The following NRXN3 variants were observed in gnomAD, a reference collection of about 807,000 sequenced individuals.
The protein encoded by NRXN3 is neurexin 3, also known as neurexin III.
In NRXN3, 32 loss-of-function variants were observed where a neutral mutation model predicts 137.6. The ratio of observed to expected loss-of-function variants is 0.23; its 90% CI spans 0.18 to 0.31. The LOEUF is 0.31. Among genes scored for constraint, NRXN3 ranks in the 10% least tolerant of loss-of-function variants. The pLI is 1.00. For synonymous variants in NRXN3, 798 were observed against 784.5 expected (o/e 1.02, Z -0.29); for missense variants, 1,574 against 2,062.5 (o/e 0.76, Z 4.59).
At chr14:79,530,381 T>A (rs561862470) in intron 16 of NRXN3, among the ~76,000 whole-genome samples, 1 of 152,242 alleles carries the variant, frequency 6.6e-6, no homozygotes, top group Admixed American at 6.5e-5. Context: ...ATTATACATA[T>A]GTCCTGGGGT....
intron 4 of NRXN3, among the ~76,000 whole-genome samples, chr14:78,407,349 A>G (rs571473655): frequency 1.7e-3 from 254 of 152,244 alleles, no homozygotes; most frequent in African/African-American, 5.9e-3. Context: ...AATTTCTGCT[A>G]CTAAGCCCCC....
chr14:78,763,113 A>G (rs1165123949), intron 8 of NRXN3, among the ~76,000 whole-genome samples: 1 of 152,230 alleles, frequency 6.6e-6, no homozygotes, highest in African/African-American at 2.4e-5. Flanking sequence ...TGGAAATTAA[A>G]ATATCCTGCA....
chr14:78,304,087 C>G (rs974115442), intron 4 of NRXN3, among the ~76,000 whole-genome samples: 16 of 152,294 alleles, frequency 1.1e-4, no homozygotes, highest in Admixed American at 7.2e-4. Context: ...AATCTCTCTA[C>G]TTACTAACAT....
intron 10 of NRXN3, among the ~76,000 whole-genome samples, chr14:78,872,851 G>T (rs1171488782): frequency 2.6e-5 from 4 of 151,976 alleles, no homozygotes. Context: ...TTGGTCTCAG[G>T]GGTCAGTATA....
intron 16 of NRXN3, among the ~76,000 whole-genome samples, chr14:79,654,553 A>G (rs1176900211): frequency 2.0e-5 from 3 of 152,142 alleles, no homozygotes; most frequent in African/African-American, 7.2e-5. Flanking sequence ...TTTATTTATA[A>G]AAACAGGGAA....
chr14:79,403,422 G>C (rs1008109083), intron 15 of NRXN3, among the ~76,000 whole-genome samples: 9 of 152,178 alleles, frequency 5.9e-5, no homozygotes, highest in African/African-American at 2.2e-4. Context: ...GAAAAAGGAA[G>C]AGAGAAAGAG....
At chr14:78,839,996 A>G (rs1339811461) in intron 10 of NRXN3, among the ~76,000 whole-genome samples, 4 of 152,220 alleles carry the variant, frequency 2.6e-5, no homozygotes, top group Admixed American at 6.5e-5. Context: ...GCATTAATGC[A>G]AGATCCAAGA....
At chr14:79,770,614 C>T (rs1477846494) in intron 19 of NRXN3, among the ~76,000 whole-genome samples, 3 of 150,452 alleles carry the variant, frequency 2.0e-5, no homozygotes, top group Non-Finnish European at 3.0e-5. Flanking sequence ...CTCTGGGACA[C>T]ATTCAAAGCA....
At chr14:79,292,880 TAGGGAGGTTTC>T (rs2083433624) in intron 15 of NRXN3, among the ~76,000 whole-genome samples, 1 of 152,218 alleles carries the variant, frequency 6.6e-6, no homozygotes, top group African/African-American at 2.4e-5. Flanking sequence ...ATTACAGACG[TAGGGAGGTTTC>T]AGTACCTGCT....
intron 20 of NRXN3, among the ~76,000 whole-genome samples, chr14:79,822,991 G>A (rs2099277407): frequency 6.6e-6 from 1 of 152,140 alleles, no homozygotes; most frequent in South Asian, 2.1e-4. Context: ...TTTTTTCACT[G>A]TAAGCCTTGT....
chr14:78,902,918 C>A (rs914544893), intron 10 of NRXN3, among the ~76,000 whole-genome samples: 1 of 151,618 alleles, frequency 6.6e-6, no homozygotes, highest in African/African-American at 2.4e-5. Context: ...TTCCCTCTGT[C>A]TGGAACATAT....
At chr14:78,476,115 ATACT>A (rs2095373092) in intron 4 of NRXN3, among the ~76,000 whole-genome samples, 3 of 152,226 alleles carry the variant, frequency 2.0e-5, no homozygotes, top group Admixed American at 1.3e-4. Flanking sequence ...CATTAAACTA[ATACT>A]TACTGAGTGC....
chr14:78,620,504 A>G (rs192425397), intron 4 of NRXN3, among the ~76,000 whole-genome samples: 104 of 152,308 alleles, frequency 6.8e-4, no homozygotes, highest in African/African-American at 2.5e-3. Flanking sequence ...GGCTACGACC[A>G]CATAGAACAG....
intron 16 of NRXN3, among the ~76,000 whole-genome samples, chr14:79,482,641 A>T (rs1462846244): frequency 6.6e-6 from 1 of 152,148 alleles, no homozygotes. Flanking sequence ...CATTTCACAG[A>T]CAACAAATTG....
At chr14:79,017,373 A>C (rs2099581059) in intron 15 of NRXN3, among the ~76,000 whole-genome samples, 1 of 151,724 alleles carries the variant, frequency 6.6e-6, no homozygotes, top group Non-Finnish European at 1.5e-5. Context: ...GATAAGAATT[A>C]TCCTGCCTCA....
chr14:78,606,810 A>C (rs974170727), intron 4 of NRXN3, among the ~76,000 whole-genome samples: 1 of 152,362 alleles, frequency 6.6e-6, no homozygotes, highest in East Asian at 1.9e-4. Flanking sequence ...AAGCCAAAAC[A>C]TGACCTTTTC....
chr14:78,681,885 T>C (rs1299781444), intron 6 of NRXN3, among the ~76,000 whole-genome samples: 1 of 152,056 alleles, frequency 6.6e-6, no homozygotes, highest in Non-Finnish European at 1.5e-5. Context: ...GTTGCTGTTG[T>C]TTTATGGGAG....
intron 10 of NRXN3, among the ~76,000 whole-genome samples, chr14:78,943,622 ATATATATATATATATATATATATAT>A (rs1261353283): frequency 0.012 from 289 of 24,280 alleles, 27 homozygotes; most frequent in African/African-American, 0.027. Flanking sequence ...AAAAAAAAAA[ATATATATATATATATATATATATAT>A]ATATATATAT....
intron 15 of NRXN3, among the ~76,000 whole-genome samples, chr14:79,055,413 G>T (rs1189372139): frequency 6.6e-6 from 1 of 152,146 alleles, no homozygotes; most frequent in African/African-American, 2.4e-5. Context: ...AATAATCTCG[G>T]CTTGGTAGTG....
Sources: gnomAD v4.1 joint callset for allele counts (sites outside exome capture counted in the v4.1 genomes callset) on GRCh38, gnomAD v4.1.1 for gene constraint, MANE v1.5 for transcripts, NCBI Gene and HGNC (gene_info 2026-07-23, HGNC 2026-07-21) for gene names.